PHF14: variants seen among roughly 807,000 people sequenced by gnomAD.
PHF14 encodes the protein PHD finger protein 14.
PHF14 carries 55 observed loss-of-function variants against 117.9 expected under a neutral mutation model. The observed-to-expected ratio is 0.47, with a 90% CI of 0.38 to 0.58. The LOEUF (loss-of-function observed/expected upper bound fraction) is 0.58, where lower values mean the gene tolerates loss of function less well. PHF14 is among the 20% of genes least tolerant of loss of function. The pLI, the probability that PHF14 is intolerant of heterozygous loss-of-function variation, is 0.00. For missense variants in PHF14, 978 were observed against 1,122.2 expected, an observed-to-expected ratio of 0.87 and a Z score of 1.84; for synonymous variants, 409 against 368.6, an observed-to-expected ratio of 1.11 and a Z score of -1.26.
At chr7:10,990,307 G>C (rs1470155929) in intron 3 of PHF14, among the ~76,000 whole-genome samples, 1 of 152,120 alleles carries the variant, frequency 6.6e-6, no homozygotes, top group Non-Finnish European at 1.5e-5. Context: ...ATCATGTCTT[G>C]TGCTTTTAAA....
chr7:10,982,666 A>C lies in PHF14; in HGVS notation c.407A>C (p.Glu136Ala), dbSNP rs754570708. 1.8e-5 allele frequency: 29 copies of C among 1,578,194 alleles called. 1 individual carries two copies. In the South Asian group the frequency reaches 3.0e-4, roughly 16 times the overall value. ...GAGAAGGAAAGAGAGAAGGAAAAAG[A>C]AAAAGCAACAGTATCTGAGAATGTG... The part of the protein sequence containing the change: ...EKEKEREKEK[E>A]KATVSENVAA... Residue 136 changes from glutamate (E) to alanine (A), a missense_variant, in exon 3 of 18, where the codon GAA becomes GCA. Transcript: ENST00000634607.
intron 17 of PHF14, among the ~76,000 whole-genome samples, chr7:11,137,375 C>G (rs1284656873): frequency 6.6e-6 from 1 of 152,046 alleles, no homozygotes. Context: ...ACACAATTCC[C>G]TAGTTAAGAG....
At chr7:11,142,462 C>T (rs139523079) in intron 17 of PHF14, among the ~76,000 whole-genome samples, 588 of 152,112 alleles carry the variant, frequency 3.9e-3, no homozygotes, top group Non-Finnish European at 6.5e-3. Flanking sequence ...TATAATTCAT[C>T]GCTTGAAAAG....
At chr7:11,038,685 G>A (rs991325256) in intron 10 of PHF14, 75 bp from the exon 11 acceptor site, 44 of 469,990 alleles carry the variant, frequency 9.4e-5, no homozygotes, top group Admixed American at 2.4e-4. Flanking sequence ...ATATATATAT[G>A]TGGAATAGAA....
chr7:11,052,101 G>A (rs920011607), intron 14 of PHF14, among the ~76,000 whole-genome samples: 1 of 152,006 alleles, frequency 6.6e-6, no homozygotes, highest in African/African-American at 2.4e-5. Context: ...TAGCCCAGAG[G>A]CCACCTCTTT....
chr7:11,032,045 T>C (rs1319247259), intron 7 of PHF14, among the ~76,000 whole-genome samples: 1 of 152,066 alleles, frequency 6.6e-6, no homozygotes, highest in African/African-American at 2.4e-5. Context: ...CTCTTGAGGC[T>C]GGCCTCAAGA....
intron 16 of PHF14, among the ~76,000 whole-genome samples, chr7:11,087,411 C>T (rs538228974): frequency 3.9e-5 from 6 of 152,098 alleles, no homozygotes; most frequent in East Asian, 3.9e-4. Context: ...ATACTGGTCT[C>T]GAACTCCTGA....
chr7:11,160,621 T>G (rs899040243), intron 17 of PHF14, among the ~76,000 whole-genome samples: 7 of 152,144 alleles, frequency 4.6e-5, no homozygotes, highest in Non-Finnish European at 1.0e-4. Context: ...AATGAGATAC[T>G]ATCACAAAAG....
intron 16 of PHF14, among the ~76,000 whole-genome samples, chr7:11,067,657 A>G (rs1189085651): frequency 6.6e-6 from 1 of 152,186 alleles, no homozygotes; most frequent in Non-Finnish European, 1.5e-5. Context: ...CTGAGGGTGG[A>G]TAATTGATAA....
Position 11,054,237 on chromosome 7 carries a change from A to G in PHF14, c.2481+2457A>G, listed in dbSNP as rs990416020. ...TTGTTGAAATGTAGACTTTGGACCC[A>G]CCCTAGAGCTAGTATAGACTTTGGA... On this transcript the variant is annotated intron_variant, in intron 14 of 17. Coordinates refer to ENST00000634607, the MANE Select transcript of PHF14 (RefSeq NM_001007157.2). Among the ~76,000 whole-genome samples, 31 of 152,218 alleles carry G rather than the reference A, an allele frequency of 2.0e-4. No individual in the cohort carries two copies. The East Asian group carries it at 4.8e-3, about 24-fold the overall frequency.
At chr7:11,108,319 C>G (rs766042021) in intron 16 of PHF14, 1 of 151,632 alleles carries the variant, frequency 6.6e-6, no homozygotes, top group Non-Finnish European at 1.5e-5. Context: ...ATCACCAAAA[C>G]TATTGACTTC....
At chr7:11,132,144 C>A (rs1174266848) in intron 17 of PHF14, among the ~76,000 whole-genome samples, 1 of 151,608 alleles carries the variant, frequency 6.6e-6, no homozygotes, top group Non-Finnish European at 1.5e-5. Context: ...GCATGAATTC[C>A]AAATACAGTA....
At position 11,037,025 on chromosome 7, in the gene PHF14, T is replaced by C. The variant is rs552038120; in HGVS notation, c.1914T>C (p.Ala638=). 1.5e-5 allele frequency: 23 copies of C among 1,517,822 alleles called. No homozygotes were observed. The highest frequency in any genetic ancestry group is 2.0e-5 in the Non-Finnish European group (22 of 1,108,750). 94.0% of individuals were successfully genotyped at this position (1,517,822 alleles called of 1,614,324 possible). Residue 638 remains alanine (A), a synonymous_variant, in exon 10 of 18, where the codon GCT becomes GCC. Coordinates refer to ENST00000634607, the MANE Select transcript of PHF14 (RefSeq NM_001007157.2). The part of the protein sequence containing the change: ...MRMIQIQENM[A]EQKNIKDKLE... ...TGATTCAAATTCAGGAAAATATGGC[T>C]GAACAAAAGAATATAAAAGATAAAT...
intron 16 of PHF14, among the ~76,000 whole-genome samples, chr7:11,097,071 C>A (rs890954906): frequency 6.6e-6 from 1 of 150,956 alleles, no homozygotes; most frequent in African/African-American, 2.4e-5. Flanking sequence ...CCTCTGCCTC[C>A]CAGGTTCAGG....
chr7:11,069,256 A>G (rs919215614), intron 16 of PHF14, among the ~76,000 whole-genome samples: 3 of 152,078 alleles, frequency 2.0e-5, no homozygotes, highest in African/African-American at 7.2e-5. Flanking sequence ...CTTAGAGGAG[A>G]AATTTAGTCT....
chr7:11,039,156 C>G (rs1279160862), intron 11 of PHF14, among the ~76,000 whole-genome samples: 1 of 152,084 alleles, frequency 6.6e-6, no homozygotes, highest in Non-Finnish European at 1.5e-5. Context: ...ATGAGTTTTT[C>G]CTACTACATT....
intron 5 of PHF14, among the ~76,000 whole-genome samples, chr7:11,022,662 A>G (rs1307795224): frequency 6.6e-6 from 1 of 152,042 alleles, no homozygotes; most frequent in Non-Finnish European, 1.5e-5. Context: ...CTGGAAAAGT[A>G]ATTTCAGTCC....
At chr7:11,019,815 C>T (rs2128317903) in intron 5 of PHF14, among the ~76,000 whole-genome samples, 1 of 152,052 alleles carries the variant, frequency 6.6e-6, no homozygotes, top group East Asian at 1.9e-4. Flanking sequence ...TAAGATATGT[C>T]ATTGGATTGT....
At chr7:11,124,226 A>T (rs1274466839) in intron 17 of PHF14, among the ~76,000 whole-genome samples, 1 of 152,146 alleles carries the variant, frequency 6.6e-6, no homozygotes, top group East Asian at 1.9e-4. Flanking sequence ...TAAAGATACT[A>T]CATTTCTGCT....
Sources: gnomAD v4.1 joint callset for allele counts (sites outside exome capture counted in the v4.1 genomes callset) on GRCh38, gnomAD v4.1.1 for gene constraint, MANE v1.5 for transcripts, NCBI Gene and HGNC (gene_info 2026-07-23, HGNC 2026-07-21) for gene names.